Variants in FANK1 observed in about 807,000 individuals in gnomAD.
The protein encoded by FANK1 is fibronectin type III and ankyrin repeat domains 1.
FANK1 carries 44 observed loss-of-function variants against 45.3 expected under a neutral mutation model. The observed-to-expected ratio is 0.97, with a 90% CI of 0.76 to 1.25. The LOEUF (loss-of-function observed/expected upper bound fraction) is 1.25. Ranked by LOEUF, FANK1 falls within the 50% of genes most tolerant of loss-of-function variation. FANK1 has a pLI of 0.00. For missense variants in FANK1, 391 were observed against 424.4 expected, an observed-to-expected ratio of 0.92 and a Z score of 0.69; for synonymous variants, 149 against 152.5, an observed-to-expected ratio of 0.98 and a Z score of 0.17.
chr10:125,942,511 T>G (rs951032837), intron 1 of FANK1, among the ~76,000 whole-genome samples: 1 of 152,158 alleles, frequency 6.6e-6, no homozygotes. Context: ...TTAAACGATT[T>G]GAGGAGGAGG....
chr10:125,956,202 T>G (rs1458774538), intron 1 of FANK1, among the ~76,000 whole-genome samples: 18 of 72,494 alleles, frequency 2.5e-4, no homozygotes, highest in South Asian at 6.7e-4. Flanking sequence ...ATACATTTTT[T>G]GGGGGGGGGG....
At chr10:125,951,229 TAAAGTA>T (rs1448548342) in intron 1 of FANK1, among the ~76,000 whole-genome samples, 1 of 145,652 alleles carries the variant, frequency 6.9e-6, no homozygotes, top group African/African-American at 2.5e-5. Context: ...CCCTAAAACT[TAAAGTA>T]TAAAAAAAAA....
At chr10:125,944,980 C>T (rs1011754990) in intron 1 of FANK1, among the ~76,000 whole-genome samples, 2 of 152,192 alleles carry the variant, frequency 1.3e-5, no homozygotes, top group South Asian at 4.1e-4. Flanking sequence ...GTTAGGGTCT[C>T]CCCAACCGAG....
chr10:125,988,387 G>A (rs547487403), intron 2 of FANK1, among the ~76,000 whole-genome samples, 164 bp from the exon 3 acceptor site: 35 of 152,212 alleles, frequency 2.3e-4, no homozygotes, highest in Non-Finnish European at 3.4e-4. Flanking sequence ...GGGGCGCCAT[G>A]TGGGACTTGT....
At chr10:125,988,431 C>A in intron 2 of FANK1, 120 bp from the exon 3 acceptor site, 1 of 1,325,850 alleles carries the variant, frequency 7.5e-7, no homozygotes, top group Non-Finnish European at 1.0e-6. Context: ...AAAGCAGGAT[C>A]CATCGGCTGT....
intron 2 of FANK1, among the ~76,000 whole-genome samples, chr10:125,987,712 TG>T (rs1291040399): frequency 6.6e-6 from 1 of 152,210 alleles, no homozygotes; most frequent in African/African-American, 2.4e-5. Context: ...TATACAGCTC[TG>T]TCAACTTTTG....
At chr10:125,947,698 A>C (rs1201348967) in intron 1 of FANK1, among the ~76,000 whole-genome samples, 6 of 148,350 alleles carry the variant, frequency 4.0e-5, no homozygotes, top group African/African-American at 1.2e-4. Context: ...AACATTAGAC[A>C]GATCAACGAG....
chr10:125,931,808 A>G (rs1019178288), intron 1 of FANK1, among the ~76,000 whole-genome samples: 6 of 152,174 alleles, frequency 3.9e-5, no homozygotes, highest in Non-Finnish European at 8.8e-5. Context: ...AGGGTTTTCC[A>G]ATGTTATCTT....
chr10:125,995,630 G>A, intron 4 of FANK1, 132 bp downstream of exon 4: 1 of 751,552 alleles, frequency 1.3e-6, no homozygotes, highest in Non-Finnish European at 2.3e-6. Flanking sequence ...GATCTCAGGT[G>A]ACTGGTGTGA....
chr10:125,939,887 C>A (rs1044789317), intron 1 of FANK1, among the ~76,000 whole-genome samples: 1 of 151,522 alleles, frequency 6.6e-6, no homozygotes, highest in Non-Finnish European at 1.5e-5. Flanking sequence ...TTATTAAAGA[C>A]AGGGTCAATA....
chr10:125,977,129 A>AT (rs1171323551), intron 1 of FANK1, among the ~76,000 whole-genome samples: 1 of 152,000 alleles, frequency 6.6e-6, no homozygotes. Context: ...ACAAACTCTT[A>AT]TTGGAGAACT....
intron 1 of FANK1, among the ~76,000 whole-genome samples, chr10:125,934,734 T>G (rs1003540308): frequency 1.7e-5 from 2 of 118,434 alleles, no homozygotes; most frequent in African/African-American, 3.9e-5. Flanking sequence ...GTTTTTTTTT[T>G]TTTTTTTTTT....
chr10:125,940,582 G>C (rs560434157), intron 1 of FANK1, among the ~76,000 whole-genome samples: 1 of 152,168 alleles, frequency 6.6e-6, no homozygotes, highest in Admixed American at 6.5e-5. Context: ...GGGCACGCAG[G>C]AGACAGAGGC....
intron 1 of FANK1, among the ~76,000 whole-genome samples, chr10:125,915,246 G>A (rs1342303647): frequency 6.7e-6 from 1 of 149,998 alleles, no homozygotes; most frequent in Non-Finnish European, 1.5e-5. Context: ...TCAAAAACAG[G>A]GAAAACTATC....
rs545926650 is a variant in FANK1 at position 125,989,309 on chromosome 10, A to C, written c.316+634A>C. Reference sequence around the variant, plus strand: ...ATCTCTGAGCAAGAGCCTTGTAAAAATTAGGATGGTCACAAGTGTTCTCCA... The same window carrying C: ...ATCTCTGAGCAAGAGCCTTGTAAAACTTAGGATGGTCACAAGTGTTCTCCA... On this transcript the variant is annotated intron_variant, in intron 3 of 10. Coordinates refer to ENST00000368693, the MANE Select transcript of FANK1 (RefSeq NM_145235.5). 5 of 1,550,906 alleles carry C rather than the reference A, an allele frequency of 3.2e-6. No homozygotes were observed. In the South Asian group the frequency reaches 6.0e-5, roughly 18 times the overall value.
chr10:125,990,251 T>G (rs1951837281), intron 3 of FANK1, among the ~76,000 whole-genome samples: 2 of 152,192 alleles, frequency 1.3e-5, no homozygotes, highest in South Asian at 4.1e-4. Context: ...ATCTGTAGCT[T>G]GTGGGAGTTC....
chr10:125,918,086 G>GAA (rs373767283), intron 1 of FANK1, among the ~76,000 whole-genome samples: 1 of 140,840 alleles, frequency 7.1e-6, no homozygotes, highest in African/African-American at 2.7e-5. Flanking sequence ...TCAGAAAAAA[G>GAA]AAAAAAAAAG....
intron 3 of FANK1, among the ~76,000 whole-genome samples, chr10:125,991,749 C>A (rs189224852): frequency 2.6e-5 from 4 of 152,298 alleles, no homozygotes; most frequent in Non-Finnish European, 4.4e-5. Flanking sequence ...TGTTAATTGG[C>A]AAATATCTTC....
At chr10:125,912,905 G>A (rs1946142499) in intron 1 of FANK1, among the ~76,000 whole-genome samples, 1 of 152,240 alleles carries the variant, frequency 6.6e-6, no homozygotes, top group African/African-American at 2.4e-5. Context: ...AAAGTGTTGG[G>A]ATTACAGGCG....
Sources: gnomAD v4.1 joint callset for allele counts (sites outside exome capture counted in the v4.1 genomes callset) on GRCh38, gnomAD v4.1.1 for gene constraint, MANE v1.5 for transcripts, NCBI Gene and HGNC (gene_info 2026-07-23, HGNC 2026-07-21) for gene names.